The following MACF1 variants were observed in gnomAD, a reference collection of about 807,000 sequenced individuals.
MACF1 encodes microtubule actin crosslinking factor 1, also known as microtubule-actin cross-linking factor 1.
MACF1 carries 193 observed loss-of-function variants against 854.8 expected under a neutral mutation model. The ratio of observed to expected loss-of-function variants is 0.23; its 90% CI spans 0.20 to 0.25. MACF1 has a LOEUF of 0.25. Ranked by LOEUF, MACF1 falls within the 10% of genes least tolerant of loss-of-function variation. The pLI, the probability that MACF1 is intolerant of heterozygous loss-of-function variation, is 1.00. For synonymous variants in MACF1, 3,185 were observed against 3,226.7 expected (o/e 0.99, Z 0.44); for missense variants, 7,722 against 8,929.1 (o/e 0.86, Z 5.45).
In MACF1 at chr1:39,317,382, C is replaced by G. The variant is rs1250062910; in HGVS notation, c.3757C>G (p.Arg1253Gly). ...KGSQLQERWH[R>G]VIAQLEIRQS... The stretch of plus-strand genomic sequence containing the variant: ...CTCCCAGCTGCAGGAGCGTTGGCAC[C>G]GAGTCATTGCCCAGCTCGAGATTCG... The change falls in exon 29 of 101, where the codon CGA (arginine) becomes GGA (glycine). Residue 1253 changes from arginine (R) to glycine (G), a missense_variant. Coordinates refer to ENST00000564288, the MANE Select transcript of MACF1 (RefSeq NM_001394062.1). The G allele has an allele frequency of 6.2e-7, 1 of 1,612,896 alleles. No homozygotes were observed. Among genetic ancestry groups the G allele is most frequent in the Non-Finnish European group, 8.5e-7 (1 of 1,179,880 alleles).
chr1:39,100,357 G>A (rs891714064), intron 2 of MACF1, among the ~76,000 whole-genome samples: 1 of 152,188 alleles, frequency 6.6e-6, no homozygotes, highest in Non-Finnish European at 1.5e-5. Flanking sequence ...AGGGAAAGGA[G>A]GTACACACAA....
intron 94 of MACF1, chr1:39,464,731 T>C (rs1644626319): frequency 1.8e-5 from 4 of 216,918 alleles, no homozygotes; most frequent in Admixed American, 1.6e-4. Flanking sequence ...CTGGCCAACA[T>C]GGTGAAACAC....
chr1:39,303,725 G>A (rs939081874), intron 23 of MACF1, among the ~76,000 whole-genome samples: 2 of 151,328 alleles, frequency 1.3e-5, no homozygotes, highest in Non-Finnish European at 1.5e-5. Flanking sequence ...TTTGCCGGGC[G>A]TGATGGCAGG....
At chr1:39,284,714 C>G (rs1271651583) in intron 11 of MACF1, among the ~76,000 whole-genome samples, 1 of 152,156 alleles carries the variant, frequency 6.6e-6, no homozygotes, top group African/African-American at 2.4e-5. Context: ...GAAGCTAAAT[C>G]TTTCCCTAGG....
intron 97 of MACF1, among the ~76,000 whole-genome samples, chr1:39,473,646 T>C (rs938510786): frequency 3.9e-5 from 6 of 152,212 alleles, no homozygotes; most frequent in African/African-American, 1.4e-4. Flanking sequence ...CACTTCTCAA[T>C]GGAAGCACTT....
intron 2 of MACF1, among the ~76,000 whole-genome samples, chr1:39,117,924 A>G (rs1394846430): frequency 6.6e-6 from 1 of 152,246 alleles, no homozygotes; most frequent in Non-Finnish European, 1.5e-5. Context: ...CAGAGACCAG[A>G]TCATCTTCAG....
At chr1:39,117,814 G>A (rs960153043) in intron 2 of MACF1, among the ~76,000 whole-genome samples, 6 of 152,216 alleles carry the variant, frequency 3.9e-5, no homozygotes, top group Admixed American at 1.3e-4. Context: ...GAATGTGTAA[G>A]CGGTTGAACA....
chr1:39,357,976 A>T, intron 45 of MACF1, 83 bp downstream of exon 45: 1 of 1,390,716 alleles, frequency 7.2e-7, no homozygotes, highest in South Asian at 1.4e-5. Flanking sequence ...GGCTCAGAAT[A>T]AGAACTCCAG....
At chr1:39,365,877 T>C (rs1648661211) in intron 49 of MACF1, among the ~76,000 whole-genome samples, 1 of 152,076 alleles carries the variant, frequency 6.6e-6, no homozygotes, top group African/African-American at 2.4e-5. Flanking sequence ...GGTTTCACCA[T>C]GTTGGCCAGG....
At chr1:39,428,362 A>ATT in intron 63 of MACF1, 75 bp downstream of exon 63, 1 of 1,365,678 alleles carries the variant, frequency 7.3e-7, no homozygotes, top group Non-Finnish European at 9.8e-7. Flanking sequence ...CTCTTCATTT[A>ATT]TTTTTTTTTC....
chr1:39,411,642 T>A, intron 58 of MACF1: 3 of 1,613,974 alleles, frequency 1.9e-6, no homozygotes, highest in African/African-American at 2.7e-5. Context: ...AACAGCTCTC[T>A]GACACAGACT....
In MACF1 at chr1:39,323,737, A is replaced by T. The variant is rs571284368; in HGVS notation, c.4237-456A>T. Among the ~76,000 whole-genome samples the T allele has an allele frequency of 3.9e-5, 6 of 152,286 alleles. No homozygotes were observed. In the East Asian group the frequency reaches 9.6e-4, roughly 24 times the overall value. Reference sequence around the variant, plus strand: ...CATATTCAGCCTCTCTTATAAAAAAAAAGCTGTTAAAACATTAACCATACC... The same window carrying T: ...CATATTCAGCCTCTCTTATAAAAAATAAGCTGTTAAAACATTAACCATACC... On this transcript the variant is annotated intron_variant, in intron 33 of 100. Coordinates refer to ENST00000564288, the MANE Select transcript of MACF1 (RefSeq NM_001394062.1).
intron 2 of MACF1, among the ~76,000 whole-genome samples, chr1:39,166,992 G>A (rs970717500): frequency 5.9e-5 from 9 of 151,798 alleles, no homozygotes; most frequent in African/African-American, 9.7e-5. Context: ...ATGGAGTTTC[G>A]CTCTTGTCAC....
chr1:39,215,045 T>C (rs139161008), intron 1 of MACF1, among the ~76,000 whole-genome samples: 21 of 152,324 alleles, frequency 1.4e-4, no homozygotes, highest in African/African-American at 5.1e-4. Context: ...GACTTTTGCA[T>C]ATGGAGCTCT....
At chr1:39,455,163 C>A in intron 89 of MACF1, 66 bp downstream of exon 89, 3 of 1,502,000 alleles carry the variant, frequency 2.0e-6, no homozygotes, top group Non-Finnish European at 9.2e-7. Flanking sequence ...ATCTCTGTTG[C>A]CCTGTGTATA....
At chr1:39,134,911 C>T (rs1643125522) in intron 2 of MACF1, among the ~76,000 whole-genome samples, 1 of 152,186 alleles carries the variant, frequency 6.6e-6, no homozygotes, top group African/African-American at 2.4e-5. Flanking sequence ...TCTTCTCAAA[C>T]TAAAATTCCA....
intron 97 of MACF1, among the ~76,000 whole-genome samples, chr1:39,475,769 C>T (rs1013208213): frequency 6.6e-6 from 1 of 152,112 alleles, no homozygotes; most frequent in Non-Finnish European, 1.5e-5. Context: ...CTTCTGGCAT[C>T]CAGCAGGAAG....
intron 73 of MACF1, 28 bp from the exon 74 acceptor site, chr1:39,441,196 A>G (rs1644108996): frequency 6.2e-7 from 1 of 1,613,848 alleles, no homozygotes; most frequent in East Asian, 2.2e-5. Flanking sequence ...TATTGATTGA[A>G]GAATCTGATT....
chr1:39,362,726 C>G (rs1648308351), intron 49 of MACF1, among the ~76,000 whole-genome samples: 1 of 152,116 alleles, frequency 6.6e-6, no homozygotes, highest in South Asian at 2.1e-4. Flanking sequence ...AGGAGTCCCA[C>G]TTTTAGTGGG....
Sources: gnomAD v4.1 joint callset for allele counts (sites outside exome capture counted in the v4.1 genomes callset) on GRCh38, gnomAD v4.1.1 for gene constraint, MANE v1.5 for transcripts, NCBI Gene and HGNC (gene_info 2026-07-23, HGNC 2026-07-21) for gene names.